Variants in BSN observed in about 807,000 individuals in gnomAD.
BSN encodes protein bassoon.
BSN carries 57 observed loss-of-function variants against 264.8 expected under a neutral mutation model. The ratio of observed to expected loss-of-function variants is 0.22; its 90% CI spans 0.17 to 0.27. The LOEUF (loss-of-function observed/expected upper bound fraction) is 0.27, where lower values mean the gene tolerates loss of function less well. BSN is among the 10% of genes least tolerant of loss of function. The pLI is 1.00. For missense variants in BSN, 4,615 were observed against 5,232.5 expected (o/e 0.88, Z 3.64); for synonymous variants, 2,059 against 2,137.3 (o/e 0.96, Z 1.01).
At chr3:49,639,874 A>G (rs1249785525) in intron 2 of BSN, among the ~76,000 whole-genome samples, 2 of 152,212 alleles carry the variant, frequency 1.3e-5, no homozygotes, top group Admixed American at 6.5e-5. Context: ...AACATGCCCT[A>G]TGTGGTGCTT....
Position 49,642,453 on chromosome 3 carries a change from G to A in BSN, c.819G>A (p.Gln273=). 3.8e-6 allele frequency: 6 copies of A among 1,591,526 alleles called. No individual in the cohort carries two copies. The highest frequency in any genetic ancestry group is 5.1e-6 in the Non-Finnish European group (6 of 1,170,366). Residue 273 remains glutamine, a synonymous_variant, in exon 3 of 12, where the codon CAG becomes CAA. Transcript: ENST00000296452. This position sits in a 1 kb window ranked among gnomAD's most constrained non-coding sequence, Gnocchi z 7.0. The part of the protein sequence containing the change: ...QERSRGPGGP[Q]PGSRQAETAR... ...GATCTCGGGGCCCAGGAGGACCACA[G>A]CCTGGGTCCCGCCAGGCTGAGACAG...
intron 1 of BSN, among the ~76,000 whole-genome samples, chr3:49,576,420 CTTTTTTCT>C (rs933156543): frequency 6.7e-6 from 1 of 149,136 alleles, no homozygotes; most frequent in African/African-American, 2.5e-5. Context: ...TTTCTTTTTT[CTTTTTTCT>C]TTTTTTTTTT....
intron 1 of BSN, among the ~76,000 whole-genome samples, chr3:49,555,652 T>A (rs2051662312): frequency 6.6e-6 from 1 of 152,188 alleles, no homozygotes; most frequent in Non-Finnish European, 1.5e-5. Context: ...CAAGTGGCAA[T>A]GAAGGCTGTA....
At chr3:49,645,825 G>A (rs911914388) in intron 3 of BSN, among the ~76,000 whole-genome samples, 3 of 152,222 alleles carry the variant, frequency 2.0e-5, no homozygotes, top group African/African-American at 4.8e-5. Context: ...TGCCTTGGGA[G>A]TGTGGTGGTA....
At position 49,657,029 on chromosome 3, in the gene BSN, G is replaced by A. The variant is rs751496202; in HGVS notation, c.7473G>A (p.Ala2491=). 16 of 1,610,092 alleles carry A rather than the reference G, an allele frequency of 9.9e-6. No homozygotes were observed. The highest frequency in any genetic ancestry group is 1.6e-4 in the Middle Eastern group (1 of 6,074). ...CEAPGRGPPL[A]AAELAQNGQY... ...CACCTGGCCGAGGGCCTCCCCTAGC[G>A]GCTGCTGAGTTGGCCCAGAATGGCC... Residue 2491 remains alanine, a synonymous_variant, in exon 5 of 12, where the codon GCG becomes GCA. Coordinates refer to ENST00000296452, the MANE Select transcript of BSN (RefSeq NM_003458.4).
Position 49,642,868 on chromosome 3 carries a change from G to A in BSN, c.1234G>A (p.Ala412Thr). Residue 412 changes from alanine (A) to threonine (T), a missense_variant, in exon 3 of 12, where the codon GCC (alanine) becomes ACC (threonine). By Grantham distance (58) the Ala-to-Thr change is moderately conservative. Coordinates refer to ENST00000296452, the MANE Select transcript of BSN (RefSeq NM_003458.4). The surrounding 1 kb of genome is among the most constrained non-coding windows in gnomAD (Gnocchi z 7.0). The part of the protein sequence containing the change: ...SGPGPGPAPG[A>T]KTEPGARMGP... ...GCCCGGGCCTGGGCCAGCACCTGGA[G>A]CCAAAACTGAGCCTGGGGCTAGAAT... 6.2e-7 allele frequency: 1 copy of A among 1,613,576 alleles called. No individual in the cohort carries two copies. The highest frequency in any genetic ancestry group is 8.5e-7 in the Non-Finnish European group (1 of 1,179,938).
intron 1 of BSN, among the ~76,000 whole-genome samples, chr3:49,609,457 G>C (rs1174933458): frequency 1.3e-5 from 2 of 152,104 alleles, no homozygotes; most frequent in Non-Finnish European, 2.9e-5. Flanking sequence ...AGCATGAGCT[G>C]TTAGAAGTTG....
chr3:49,622,939 G>A (rs2052316482), intron 1 of BSN, among the ~76,000 whole-genome samples: 1 of 152,130 alleles, frequency 6.6e-6, no homozygotes, highest in Admixed American at 6.5e-5. Flanking sequence ...GGATAGTTAG[G>A]TCTGTGCCAC....
intron 1 of BSN, among the ~76,000 whole-genome samples, chr3:49,581,855 A>G (rs187546144): frequency 6.6e-6 from 1 of 152,100 alleles, no homozygotes; most frequent in Non-Finnish European, 1.5e-5. Flanking sequence ...ACAAAAAAAA[A>G]CAAACTTTGT....
chr3:49,664,577 C>A, intron 9 of BSN, 23 bp downstream of exon 9: 1 of 1,577,794 alleles, frequency 6.3e-7, no homozygotes, highest in South Asian at 1.2e-5. Flanking sequence ...TGCAACTGGT[C>A]TGTGGTGGGT....
chr3:49,658,772 C>T (rs2052631718), intron 5 of BSN, among the ~76,000 whole-genome samples: 1 of 152,198 alleles, frequency 6.6e-6, no homozygotes, highest in African/African-American at 2.4e-5. Context: ...TCTGTTTACA[C>T]ATCTGTCTGC....
rs6806073 is a variant in BSN at position 49,571,870 on chromosome 3, C to T, written c.224+17044C>T. 9.2e-3 allele frequency among the ~76,000 whole-genome samples: 1,404 copies of T among 152,238 alleles called. 27 individuals are homozygous for T. Among genetic ancestry groups the T allele is most frequent in the African/African-American group, 0.031 (1,282 of 41,534 alleles). Reference sequence around the variant, plus strand: ...GCATAAGGGATAGAGGTAGCAACACCAACTCCCCATACCCCAATAAATTAG... The same window carrying T: ...GCATAAGGGATAGAGGTAGCAACACTAACTCCCCATACCCCAATAAATTAG... On this transcript the variant is annotated intron_variant, in intron 1 of 11. Transcript: ENST00000296452.
At chr3:49,631,405 T>C (rs866522359) in intron 2 of BSN, among the ~76,000 whole-genome samples, 2 of 151,622 alleles carry the variant, frequency 1.3e-5, no homozygotes, top group Non-Finnish European at 2.9e-5. Context: ...AAAAAATACA[T>C]GGTGCAAAGA....
intron 1 of BSN, among the ~76,000 whole-genome samples, chr3:49,586,004 A>C (rs1409822074): frequency 6.6e-6 from 1 of 151,968 alleles, no homozygotes; most frequent in Admixed American, 6.6e-5. Flanking sequence ...GTTATTAATC[A>C]CTTGTCAGAT....
At position 49,585,857 on chromosome 3, in the gene BSN, G is replaced by A. The variant is rs989641070; in HGVS notation, c.224+31031G>A. Among the ~76,000 whole-genome samples, 1 of 152,200 alleles carries A rather than the reference G, an allele frequency of 6.6e-6. No homozygotes were observed. Among genetic ancestry groups the A allele is most frequent in the Admixed American group, 6.5e-5 (1 of 15,278 alleles). ...TTGCATTTCTCTGATGATCAATGAT[G>A]TTGAATACCTTTTTATATGCCTGTT... On this transcript the variant is annotated intron_variant, in intron 1 of 11. Coordinates refer to ENST00000296452, the MANE Select transcript of BSN (RefSeq NM_003458.4). This position sits in a 1 kb window ranked among gnomAD's most constrained non-coding sequence, Gnocchi z 4.7.
chr3:49,667,002 C>T (rs1321155529), intron 11 of BSN, among the ~76,000 whole-genome samples: 1 of 152,150 alleles, frequency 6.6e-6, no homozygotes, highest in Non-Finnish European at 1.5e-5. Flanking sequence ...AGGGACAGCC[C>T]ATGGCCTGGA....
intron 1 of BSN, among the ~76,000 whole-genome samples, chr3:49,581,734 G>C (rs2051896553): frequency 6.6e-6 from 1 of 152,034 alleles, no homozygotes; most frequent in Non-Finnish European, 1.5e-5. Context: ...TGAGGCAGGA[G>C]AATTGCTTGA....
Position 49,642,486 on chromosome 3 carries a change from C to T in BSN, c.852C>T (p.Ala284=). The T allele has an allele frequency of 6.3e-7, 1 of 1,575,868 alleles. No homozygotes were observed. The highest frequency in any genetic ancestry group is 8.6e-7 in the Non-Finnish European group (1 of 1,162,128). The stretch of plus-strand genomic sequence containing the variant: ...CCCGCCAGGCTGAGACAGCCAGGGC[C>T]ACCTCAGTGCCGGGGCCTGCCCAAG... ...PGSRQAETAR[A]TSVPGPAQAA... The change falls in exon 3 of 12, where the codon GCC becomes GCT. Residue 284 remains alanine (A), a synonymous_variant. Coordinates refer to ENST00000296452, the MANE Select transcript of BSN (RefSeq NM_003458.4). This position sits in a 1 kb window ranked among gnomAD's most constrained non-coding sequence, Gnocchi z 7.0.
At chr3:49,611,401 T>C (rs570463330) in intron 1 of BSN, among the ~76,000 whole-genome samples, 11 of 152,304 alleles carry the variant, frequency 7.2e-5, no homozygotes, top group African/African-American at 2.6e-4. Flanking sequence ...CAACCCAAAG[T>C]TGTATCATGC....
Sources: gnomAD v4.1 joint callset for allele counts (sites outside exome capture counted in the v4.1 genomes callset) on GRCh38, gnomAD v4.1.1 for gene constraint, Gnocchi (gnomAD v3.1) non-coding constraint, MANE v1.5 for transcripts, NCBI Gene and HGNC (gene_info 2026-07-23, HGNC 2026-07-21) for gene names.